Variants in PABPC1L observed in about 807,000 individuals in gnomAD.
PABPC1L encodes polyadenylate-binding protein 1-like.
Under a neutral mutation model 66.6 loss-of-function variants are expected in PABPC1L, and 31 were observed. That is an observed-to-expected ratio of 0.47 (90% CI 0.35 to 0.63). The LOEUF (loss-of-function observed/expected upper bound fraction) is 0.63. Ranked by LOEUF, PABPC1L falls within the 20% of genes least tolerant of loss-of-function variation. The pLI is 0.00. For synonymous variants in PABPC1L, 348 were observed against 335.1 expected, an observed-to-expected ratio of 1.04 and a Z score of -0.42; for missense variants, 722 against 848.8, an observed-to-expected ratio of 0.85 and a Z score of 1.86.
rs369712300 is a variant in PABPC1L, at chr20:44,938,228, G to A, written c.1791+37G>A. 6 of 1,604,492 alleles carry A rather than the reference G, an allele frequency of 3.7e-6. No individual in the cohort carries two copies. In the East Asian group the frequency reaches 1.3e-4, roughly 36 times the overall value. On this transcript the variant is annotated intron_variant, in intron 13 of 14. Coordinates refer to ENST00000217073, the MANE Select transcript of PABPC1L (RefSeq NM_001372179.1). ...CCTGGGCAGCAGGGAGCCCGAGGGG[G>A]CAGGAGGAGAGCTAACGACAAGGGC...
At chr20:44,938,314 C>T in intron 13 of PABPC1L, 123 bp downstream of exon 13, 1 of 1,284,786 alleles carries the variant, frequency 7.8e-7, no homozygotes, top group South Asian at 1.5e-5. Flanking sequence ...CTTGCTAATA[C>T]CTGAAGGCCT....
At chr20:44,922,911 C>T (rs2066784270) in intron 6 of PABPC1L, among the ~76,000 whole-genome samples, 1 of 152,158 alleles carries the variant, frequency 6.6e-6, no homozygotes, top group Admixed American at 6.5e-5. Flanking sequence ...CAGGACAATG[C>T]CACAGCAAGG....
chr20:44,910,710 T>C (rs552551924), intron 1 of PABPC1L, among the ~76,000 whole-genome samples: 102 of 152,236 alleles, frequency 6.7e-4, no homozygotes, highest in African/African-American at 2.3e-3. Flanking sequence ...AGCTGCCTTA[T>C]AGAGTGCTTG....
intron 1 of PABPC1L, 27 bp downstream of exon 1, chr20:44,910,363 G>A (rs2066695625): frequency 6.8e-7 from 1 of 1,462,010 alleles, no homozygotes; most frequent in Non-Finnish European, 9.1e-7. Context: ...GGGCGGGAGG[G>A]GAAGGACCGA....
chr20:44,926,192 A>G (rs1254728622), intron 7 of PABPC1L, among the ~76,000 whole-genome samples: 1 of 152,206 alleles, frequency 6.6e-6, no homozygotes, highest in Non-Finnish European at 1.5e-5. Flanking sequence ...CATCTTTTTA[A>G]CAGGACAAAC....
Position 44,939,193 on chromosome 20 carries a change from GC to G in PABPC1L, c.*75del, listed in dbSNP as rs763483111. 9.1e-5 allele frequency: 65 copies of G among 717,854 alleles called. No homozygotes were observed. In the Middle Eastern group the frequency reaches 9.1e-4, roughly 10 times the overall value. 44.5% of individuals were successfully genotyped at this position (717,854 alleles called of 1,614,324 possible). A position where few individuals can be genotyped will look rare whatever the true frequency, so the allele number is the denominator to read the frequency against. On this transcript the variant is annotated 3_prime_UTR_variant, in exon 15 of 15. Coordinates refer to ENST00000217073, the MANE Select transcript of PABPC1L (RefSeq NM_001372179.1). ...TTCTGGCTCTCAGCCCTAAGGCCCT[GC>G]AAACTCTAACTTATTTCCCAATTAG...
intron 10 of PABPC1L, among the ~76,000 whole-genome samples, 177 bp downstream of exon 10, chr20:44,933,362 C>T (rs1160100160): frequency 2.0e-5 from 3 of 151,866 alleles, no homozygotes; most frequent in African/African-American, 7.3e-5. Flanking sequence ...ACTATGAGGC[C>T]CTTGCTGACT....
At chr20:44,932,707 T>C in intron 9 of PABPC1L, 1 of 509,754 alleles carries the variant, frequency 2.0e-6, no homozygotes, top group Non-Finnish European at 3.5e-6. Flanking sequence ...CTTGCAAAGC[T>C]GAGAAGGTGA....
In PABPC1L at chr20:44,933,133, C is replaced by G. The variant is rs61749319; in HGVS notation, c.1407C>G (p.Val469=). 6.2e-7 allele frequency: 1 copy of G among 1,610,146 alleles called. No homozygotes were observed. Among genetic ancestry groups the G allele is most frequent in the East Asian group, 2.2e-5 (1 of 44,758 alleles). Residue 469 remains valine, a synonymous_variant, in exon 10 of 15, where the codon GTC becomes GTG. Coordinates refer to ENST00000217073, the MANE Select transcript of PABPC1L (RefSeq NM_001372179.1). ...PRRPPAHISS[V]RQASTQVPRT... is the part of the protein sequence containing the mutation. ...GCCCCCCGGCCCACATCAGCAGTGTCAGGCAGGCCTCCACCCAGGTGCCAC... is the reference window on the plus strand; with the variant it reads ...GCCCCCCGGCCCACATCAGCAGTGTGAGGCAGGCCTCCACCCAGGTGCCAC...
At chr20:44,915,269 TG>T (rs2066730639) in intron 2 of PABPC1L, among the ~76,000 whole-genome samples, 1 of 152,202 alleles carries the variant, frequency 6.6e-6, no homozygotes, top group Non-Finnish European at 1.5e-5. Context: ...CAAGCTAGGC[TG>T]GGAGGCAGTG....
intron 2 of PABPC1L, among the ~76,000 whole-genome samples, chr20:44,914,160 T>G (rs1330398650): frequency 1.3e-5 from 2 of 152,046 alleles, no homozygotes; most frequent in Non-Finnish European, 2.9e-5. Flanking sequence ...GTGTCTGCTA[T>G]TCTAGGGAGG....
In PABPC1L at chr20:44,912,639, TCTC is replaced by T. The variant is rs1329454920; in HGVS notation, c.194-17_194-15del. 2 of 1,579,714 alleles carry T rather than the reference TCTC, an allele frequency of 1.3e-6. No homozygotes were observed. Among genetic ancestry groups the T allele is most frequent in the African/African-American group, 2.7e-5 (2 of 74,046 alleles). On this transcript the variant is annotated intron_variant, in intron 1 of 14. Coordinates refer to ENST00000217073, the MANE Select transcript of PABPC1L (RefSeq NM_001372179.1). ...AAAATTCCCTAAACTTGCTAATTTC[TCTC>T]CTCTTCCTTCTGTCCAGCGGAGCGG...
chr20:44,928,935 A>C (rs887868490), intron 7 of PABPC1L, among the ~76,000 whole-genome samples: 6 of 150,434 alleles, frequency 4.0e-5, no homozygotes, highest in Non-Finnish European at 7.4e-5. Flanking sequence ...TCTAGTCCTT[A>C]TGGGCTGTAT....
At chr20:44,922,521 C>G (rs2066781240) in intron 6 of PABPC1L, among the ~76,000 whole-genome samples, 1 of 152,184 alleles carries the variant, frequency 6.6e-6, no homozygotes, top group South Asian at 2.1e-4. Flanking sequence ...CAGGTGTGAG[C>G]CACTGCGCCT....
chr20:44,924,273 C>T lies in PABPC1L; in HGVS notation c.972+17C>T, dbSNP rs2066793557. 2.5e-6 allele frequency: 4 copies of T among 1,576,638 alleles called. No individual in the cohort carries two copies. The highest frequency in any genetic ancestry group is 2.7e-5 in the African/African-American group (2 of 74,100). On this transcript the variant is annotated intron_variant, in intron 7 of 14. Coordinates refer to ENST00000217073, the MANE Select transcript of PABPC1L (RefSeq NM_001372179.1). The stretch of plus-strand genomic sequence containing the variant: ...AGTGCGAAGGTGAGGACTGGGGGCA[C>T]CTCCGGGGGACAGCGTTCCCCTCCA...
intron 10 of PABPC1L, 74 bp from the exon 11 acceptor site, chr20:44,935,312 GTTGTT>G (rs756008402): frequency 1.2e-4 from 122 of 1,015,222 alleles, no homozygotes; most frequent in Middle Eastern, 8.8e-4. Flanking sequence ...CTGTTTTGGT[GTTGTT>G]TTGTTTTGTT....
chr20:44,932,906 A>G (rs563612929), intron 9 of PABPC1L, 151 bp from the exon 10 acceptor site: 11 of 604,006 alleles, frequency 1.8e-5, no homozygotes, highest in Non-Finnish European at 3.0e-5. Flanking sequence ...TTCTGGGTCT[A>G]AGTGAATTGA....
At position 44,938,054 on chromosome 20, in the gene PABPC1L, C is replaced by T. The variant is rs1271561442; in HGVS notation, c.1661-7C>T. The T allele has an allele frequency of 5.6e-6, 9 of 1,614,082 alleles. No individual in the cohort carries two copies. Among genetic ancestry groups the T allele is most frequent in the Middle Eastern group, 1.6e-4 (1 of 6,062 alleles). ...GTGCACAAGCCATTAGAAGGTGTTC[C>T]ACACAGGGGAGCGTCTCTACCCCCT... On this transcript the variant is annotated splice_polypyrimidine_tract_variant and splice_region_variant and intron_variant, in intron 12 of 14. Coordinates refer to ENST00000217073, the MANE Select transcript of PABPC1L (RefSeq NM_001372179.1).
rs771576376 is a variant in PABPC1L at position 44,933,066 on chromosome 20, C to T, written c.1340C>T (p.Pro447Leu). 3 of 1,584,532 alleles carry T rather than the reference C, an allele frequency of 1.9e-6. No individual in the cohort carries two copies. The highest frequency in any genetic ancestry group is 2.3e-5 in the South Asian group (2 of 86,608). Residue 447 changes from proline (P) to leucine (L), a missense_variant, in exon 10 of 15, where the codon CCT (proline) becomes CTT (leucine). Physicochemically the swap from Pro to Leu is moderately conservative, Grantham distance 98. Transcript: ENST00000217073. Reference sequence around the variant, plus strand: ...GTGTCTGCACCACAAGCTGCCTACCCTCCAGGTGCCTCAATGGTCCGGCCA... The same window carrying T: ...GTGTCTGCACCACAAGCTGCCTACCTTCCAGGTGCCTCAATGGTCCGGCCA... The part of the protein sequence containing the change: ...SQPPRPSSAY[P>L]PGASMVRPPV...
Sources: allele counts gnomAD v4.1 joint callset (sites outside exome capture counted in the v4.1 genomes callset), GRCh38; gene constraint gnomAD v4.1.1; transcripts MANE v1.5; gene names NCBI Gene and HGNC (gene_info 2026-07-23, HGNC 2026-07-21).